TFRC: variants seen among roughly 807,000 people sequenced by gnomAD.
The protein encoded by TFRC is transferrin receptor protein 1.
TFRC carries 35 observed loss-of-function variants against 85.8 expected under a neutral mutation model. The observed-to-expected ratio is 0.41, with a 90% CI of 0.31 to 0.54. TFRC has a LOEUF of 0.54. Among genes scored for constraint, TFRC ranks in the 20% least tolerant of loss-of-function variants. The probability of loss-of-function intolerance (pLI) is 0.31; values close to 1 mark genes in which losing one functional copy is unlikely to be tolerated. For missense variants in TFRC, 828 were observed against 921.5 expected (o/e 0.90, Z 1.31); for synonymous variants, 362 against 328.6 (o/e 1.10, Z -1.10).
Position 196,049,763 on chromosome 3 carries a change from A to G in TFRC, c.*2179T>C. The G allele has an allele frequency of 4.3e-6, 1 of 230,236 alleles. No homozygotes were observed. The highest frequency in any genetic ancestry group is 8.6e-6 in the Non-Finnish European group (1 of 116,164). The allele number at this position is 230,236 out of a possible 1,614,324, so 14.3% of individuals were successfully genotyped here. A position where few individuals can be genotyped will look rare whatever the true frequency, so the allele number is the denominator to read the frequency against. The stretch of plus-strand genomic sequence containing the variant: ...CAGGAATCTCAGCTATGACCTTTTC[A>G]CTTAGCTACGCTAAATGTCAGTCCA... On this transcript the variant is annotated 3_prime_UTR_variant, in exon 19 of 19. Transcript: ENST00000360110.
At chr3:196,055,333 G>GT (rs1716689073) in intron 16 of TFRC, 32 bp from the exon 17 acceptor site, 1 of 1,577,142 alleles carries the variant, frequency 6.3e-7, no homozygotes, top group Non-Finnish European at 8.7e-7. Flanking sequence ...TGGTACTCAC[G>GT]TGAGTTCTAA....
chr3:196,079,289 T>C (rs1405930252), intron 1 of TFRC, among the ~76,000 whole-genome samples: 1 of 152,180 alleles, frequency 6.6e-6, no homozygotes, highest in African/African-American at 2.4e-5. Flanking sequence ...TTCCTCAAGT[T>C]TTCTTGTTTT....
At chr3:196,058,432 C>T (rs1302643420) in intron 15 of TFRC, 67 bp from the exon 16 acceptor site, 3 of 1,510,342 alleles carry the variant, frequency 2.0e-6, no homozygotes, top group Non-Finnish European at 2.7e-6. Context: ...CGTGCTAGTC[C>T]CCCCATCCAA....
chr3:196,053,680 A>G, intron 17 of TFRC, 122 bp from the exon 18 acceptor site: 7 of 1,227,270 alleles, frequency 5.7e-6, no homozygotes, highest in Non-Finnish European at 8.1e-6. Context: ...TAAGCTCAAG[A>G]CTCCGAAAGC....
chr3:196,056,731 T>C (rs992438826), intron 16 of TFRC, among the ~76,000 whole-genome samples: 4 of 152,152 alleles, frequency 2.6e-5, no homozygotes, highest in Non-Finnish European at 4.4e-5. Flanking sequence ...ATAAAGAAGT[T>C]TTAGCAATAA....
At position 196,075,244 on chromosome 3, in the gene TFRC, G is replaced by A; in HGVS notation, c.153C>T (p.Asn51=). The change falls in exon 3 of 19, where the codon AAC becomes AAT. Residue 51 remains asparagine, a synonymous_variant. Coordinates refer to ENST00000360110, the MANE Select transcript of TFRC (RefSeq NM_001128148.3). Reference sequence around the variant, plus strand: ...TTGGTTTTGTGACATTGGCCTTTGTGTTATTGTCAGCATTTTCTTCTTCAT... The same window carrying A: ...TTGGTTTTGTGACATTGGCCTTTGTATTATTGTCAGCATTTTCTTCTTCAT... ...AVDEEENADN[N]TKANVTKPKR... 1 of 1,614,070 alleles carries A rather than the reference G, an allele frequency of 6.2e-7. No homozygotes were observed.
rs41303537 is a variant in TFRC at position 196,069,173 on chromosome 3, T to C, written c.801+282A>G. Among the ~76,000 whole-genome samples, 195 of 152,292 alleles carry C rather than the reference T, an allele frequency of 1.3e-3. 2 individuals are homozygous for C. Among genetic ancestry groups the C allele is most frequent in the African/African-American group, 4.6e-3 (190 of 41,576 alleles). The stretch of plus-strand genomic sequence containing the variant: ...ATGTTCCACTCTAGTTCCTTGTGTA[T>C]GTTTGGCTATTAATTTTCCTTTTTA... On this transcript the variant is annotated intron_variant, in intron 7 of 18. Transcript: ENST00000360110.
intron 10 of TFRC, 53 bp downstream of exon 10, chr3:196,065,390 A>T: frequency 9.2e-7 from 1 of 1,087,742 alleles, no homozygotes. Flanking sequence ...CCTTAGGAAC[A>T]GAAAAGAAAA....
At position 196,050,271 on chromosome 3, in the gene TFRC, G is replaced by A. The variant is rs973219235; in HGVS notation, c.*1671C>T. 7 of 221,748 alleles carry A rather than the reference G, an allele frequency of 3.2e-5. No individual in the cohort carries two copies. The highest frequency in any genetic ancestry group is 6.3e-5 in the Non-Finnish European group (7 of 111,098). The allele number at this position is 221,748 out of a possible 1,614,324, so 13.7% of individuals were successfully genotyped here. A position where few individuals can be genotyped will look rare whatever the true frequency, so the allele number is the denominator to read the frequency against. On this transcript the variant is annotated 3_prime_UTR_variant, in exon 19 of 19. Coordinates refer to ENST00000360110, the MANE Select transcript of TFRC (RefSeq NM_001128148.3). ...TAGAGGACCTGGAGAAACCATAAAG[G>A]TAACAAAAACCCAAGCTAAATTTCA...
intron 6 of TFRC, among the ~76,000 whole-genome samples, chr3:196,071,119 C>G (rs1249086053): frequency 6.6e-6 from 1 of 152,140 alleles, no homozygotes; most frequent in African/African-American, 2.4e-5. Flanking sequence ...TAGAACTAAC[C>G]CATGATTCTT....
chr3:196,069,665 C>T lies in TFRC; in HGVS notation c.688-97G>A, dbSNP rs1718030881. On this transcript the variant is annotated intron_variant, in intron 6 of 18. Transcript: ENST00000360110. ...TGTTATAGATCAAACCTAAGACAGG[C>T]AACCCAAGTAAGAGATAAAAGGAGG... 4.4e-6 allele frequency: 3 copies of T among 689,028 alleles called. 1 individual carries two copies. The South Asian group carries it at 7.1e-5, about 16-fold the overall frequency. The allele number at this position is 689,028 out of a possible 1,614,324, so 42.7% of individuals were successfully genotyped here. A position where few individuals can be genotyped will look rare whatever the true frequency, so the allele number is the denominator to read the frequency against.
intron 2 of TFRC, among the ~76,000 whole-genome samples, chr3:196,075,832 A>G (rs190268703): frequency 7.2e-5 from 11 of 152,290 alleles, no homozygotes; most frequent in African/African-American, 2.6e-4. Flanking sequence ...AGAAGACAGA[A>G]AAGAGAGAAT....
At position 196,062,576 on chromosome 3, in the gene TFRC, A is replaced by G. The variant is rs1717372719; in HGVS notation, c.1468+6T>C. 6.2e-7 allele frequency: 1 copy of G among 1,602,776 alleles called. No individual in the cohort carries two copies. Among genetic ancestry groups the G allele is most frequent in the African/African-American group, 1.3e-5 (1 of 74,418 alleles). Reference sequence around the variant, plus strand: ...TTCATACACAGCTAATGAAAGGGATACTTACCAAGAACCGCTTTATCCAGA... The same window carrying G: ...TTCATACACAGCTAATGAAAGGGATGCTTACCAAGAACCGCTTTATCCAGA... On this transcript the variant is annotated splice_donor_region_variant and intron_variant, in intron 13 of 18. Coordinates refer to ENST00000360110, the MANE Select transcript of TFRC (RefSeq NM_001128148.3).
At chr3:196,056,355 G>A (rs1716794690) in intron 16 of TFRC, among the ~76,000 whole-genome samples, 1 of 152,174 alleles carries the variant, frequency 6.6e-6, no homozygotes, top group South Asian at 2.1e-4. Context: ...CAGCTGGACT[G>A]TCCAATAGAT....
In TFRC at chr3:196,079,469, C is replaced by T. The variant is rs542634859; in HGVS notation, c.-23-2347G>A. On this transcript the variant is annotated intron_variant, in intron 1 of 18. Transcript: ENST00000360110. The stretch of plus-strand genomic sequence containing the variant: ...CTCTACCAAAAAAATACAAAATTAG[C>T]CGGGCATGGTGGCGCATGCCTGTAA... Among the ~76,000 whole-genome samples the T allele has an allele frequency of 4.9e-4, 75 of 152,172 alleles. 1 individual carries two copies. In the South Asian group the frequency reaches 0.015, roughly 31 times the overall value.
At position 196,081,666 on chromosome 3, in the gene TFRC, G is replaced by T. The variant is rs559268751; in HGVS notation, c.-24+377C>A. 1.3e-4 allele frequency among the ~76,000 whole-genome samples: 20 copies of T among 152,342 alleles called. No individual in the cohort carries two copies. In the East Asian group the frequency reaches 2.1e-3, roughly 16 times the overall value. Reference sequence around the variant, plus strand: ...CTGCGGCCTTCAAGGGCGAGGACCCGAAGTCCCCGGGGCTGAGAGCGACAG... The same window carrying T: ...CTGCGGCCTTCAAGGGCGAGGACCCTAAGTCCCCGGGGCTGAGAGCGACAG... On this transcript the variant is annotated intron_variant, in intron 1 of 18. Transcript: ENST00000360110.
At chr3:196,067,740 A>G in intron 8 of TFRC, 83 bp from the exon 9 acceptor site, 3 of 1,496,230 alleles carry the variant, frequency 2.0e-6, no homozygotes, top group Non-Finnish European at 1.8e-6. Flanking sequence ...ATAAGGCTGC[A>G]GCCCAACCTT....
At chr3:196,066,320 C>T (rs1717740065) in intron 9 of TFRC, among the ~76,000 whole-genome samples, 1 of 151,834 alleles carries the variant, frequency 6.6e-6, no homozygotes, top group African/African-American at 2.4e-5. Flanking sequence ...CAGCTGGGTG[C>T]GGTGGCTCAC....
chr3:196,055,532 G>A, intron 16 of TFRC: 1 of 576,956 alleles, frequency 1.7e-6, no homozygotes, highest in Non-Finnish European at 3.1e-6. Context: ...AGGTTCTACA[G>A]AATCCCTGTT....
Sources: gnomAD v4.1 joint callset for allele counts (sites outside exome capture counted in the v4.1 genomes callset) on GRCh38, gnomAD v4.1.1 for gene constraint, MANE v1.5 for transcripts, NCBI Gene and HGNC (gene_info 2026-07-23, HGNC 2026-07-21) for gene names.